Variants in ROBO1 observed in about 807,000 individuals in gnomAD.
The protein encoded by ROBO1 is roundabout homolog 1.
A neutral mutation model predicts 195.9 loss-of-function variants in ROBO1; 149 were observed. The observed-to-expected ratio is 0.76, with a 90% CI of 0.67 to 0.87. The LOEUF (loss-of-function observed/expected upper bound fraction) is 0.87. Among genes scored for constraint, ROBO1 ranks in the 40% least tolerant of loss-of-function variants. ROBO1 has a pLI of 0.00. For synonymous variants in ROBO1, 816 were observed against 733.2 expected, an observed-to-expected ratio of 1.11 and a Z score of -1.82; for missense variants, 1,933 against 2,068.3, an observed-to-expected ratio of 0.93 and a Z score of 1.27.
chr3:79,156,091 T>C (rs1290916088), intron 2 of ROBO1, among the ~76,000 whole-genome samples: 1 of 151,700 alleles, frequency 6.6e-6, no homozygotes, highest in Non-Finnish European at 1.5e-5. Context: ...GTCCTAGCCA[T>C]GCTATTCATA....
In ROBO1 at chr3:78,670,279, TG is replaced by T. The variant is rs1559723407; in HGVS notation, c.1364del (p.Pro455GlnfsTer8). On this transcript the variant is annotated frameshift_variant, in exon 11 of 31. Transcript: ENST00000464233. LOFTEE classifies it high-confidence loss of function. Reference sequence around the variant, plus strand: ...GATTCACAGGACCTTGTCGAATAACTGGGGGAGGCCGATCTGCAATCACTGC... The same window carrying T: ...GATTCACAGGACCTTGTCGAATAACTGGGGAGGCCGATCTGCAATCACTGC... The part of the protein sequence containing the change: ...VTDVIADRPP[P>X]VIRQGPVNQT... 2 of 1,570,174 alleles carry T rather than the reference TG, an allele frequency of 1.3e-6. No individual in the cohort carries two copies. Among genetic ancestry groups the T allele is most frequent in the Non-Finnish European group, 1.7e-6 (2 of 1,156,736 alleles).
intron 3 of ROBO1, among the ~76,000 whole-genome samples, chr3:79,066,152 A>G (rs567648048): frequency 1.3e-5 from 2 of 152,034 alleles, no homozygotes; most frequent in African/African-American, 4.8e-5. Flanking sequence ...GAGCCCTAAA[A>G]GACGTTAAGT....
At chr3:79,089,274 C>T (rs1418471303) in intron 3 of ROBO1, among the ~76,000 whole-genome samples, 6 of 152,038 alleles carry the variant, frequency 3.9e-5, no homozygotes, top group Admixed American at 1.3e-4. Flanking sequence ...AATTCCTAAC[C>T]CCAGTGGTCC....
At chr3:79,449,992 C>A (rs371329199) in intron 2 of ROBO1, among the ~76,000 whole-genome samples, 3 of 151,854 alleles carry the variant, frequency 2.0e-5, no homozygotes, top group South Asian at 4.1e-4. Flanking sequence ...TGAATAGATA[C>A]CTAAAATAGA....
At chr3:79,670,404 T>C (rs1323940566) in intron 1 of ROBO1, among the ~76,000 whole-genome samples, 1 of 134,172 alleles carries the variant, frequency 7.5e-6, no homozygotes, top group Admixed American at 7.0e-5. Context: ...AAAAATTCTA[T>C]CTACACAGCA....
At chr3:78,744,222 G>C (rs2082601099) in intron 5 of ROBO1, among the ~76,000 whole-genome samples, 1 of 152,108 alleles carries the variant, frequency 6.6e-6, no homozygotes, top group African/African-American at 2.4e-5. Context: ...TTTCCCTTTT[G>C]CTCACAAACA....
intron 2 of ROBO1, among the ~76,000 whole-genome samples, chr3:79,490,775 C>A (rs1168757377): frequency 6.6e-6 from 1 of 152,156 alleles, no homozygotes; most frequent in Non-Finnish European, 1.5e-5. Flanking sequence ...TGTGCTTATG[C>A]ATATTTGCAT....
intron 2 of ROBO1, among the ~76,000 whole-genome samples, chr3:79,392,803 A>G (rs1338677788): frequency 2.0e-5 from 3 of 152,206 alleles, no homozygotes; most frequent in Admixed American, 6.5e-5. Context: ...ACTGCAGATT[A>G]TTTAAAAAGC....
chr3:79,358,561 T>A (rs1283829548), intron 2 of ROBO1, among the ~76,000 whole-genome samples: 2 of 152,166 alleles, frequency 1.3e-5, no homozygotes, highest in East Asian at 3.9e-4. Flanking sequence ...AAATCTGTCT[T>A]GAGATTTCAA....
At chr3:78,776,060 C>T (rs144087099) in intron 4 of ROBO1, among the ~76,000 whole-genome samples, 22 of 152,148 alleles carry the variant, frequency 1.4e-4, no homozygotes, top group African/African-American at 5.1e-4. Context: ...ATATACCATG[C>T]TATATTTGCT....
At chr3:79,389,120 G>C (rs2036858044) in intron 2 of ROBO1, among the ~76,000 whole-genome samples, 1 of 151,870 alleles carries the variant, frequency 6.6e-6, no homozygotes, top group Non-Finnish European at 1.5e-5. Context: ...TATAACTTTT[G>C]ACTTTTGTAT....
intron 2 of ROBO1, among the ~76,000 whole-genome samples, chr3:79,577,836 C>T (rs922477178): frequency 5.9e-5 from 9 of 151,834 alleles, no homozygotes; most frequent in Admixed American, 3.3e-4. Context: ...CGCTTGAACT[C>T]GGGAGGCAGA....
At chr3:79,223,935 C>A (rs1463773737) in intron 2 of ROBO1, among the ~76,000 whole-genome samples, 1 of 152,118 alleles carries the variant, frequency 6.6e-6, no homozygotes, top group Non-Finnish European at 1.5e-5. Flanking sequence ...GGCAGAAAAT[C>A]ATTTCTGGGA....
intron 2 of ROBO1, among the ~76,000 whole-genome samples, chr3:79,382,156 C>T (rs1203177607): frequency 6.6e-6 from 1 of 152,082 alleles, no homozygotes; most frequent in African/African-American, 2.4e-5. Context: ...TTGAATGACA[C>T]TATCAGGATG....
chr3:79,195,401 G>A lies in ROBO1; in HGVS notation c.89-69862C>T, dbSNP rs193260758. Reference sequence around the variant, plus strand: ...AATGAGCAACCAGAAACTTTAAGTGGCAATTGGCAAATATATGTTATAAAT... The same window carrying A: ...AATGAGCAACCAGAAACTTTAAGTGACAATTGGCAAATATATGTTATAAAT... On this transcript the variant is annotated intron_variant, in intron 2 of 30. Transcript: ENST00000464233. Among the ~76,000 whole-genome samples, 715 of 151,578 alleles carry A rather than the reference G, an allele frequency of 4.7e-3. 4 individuals are homozygous for A. Among genetic ancestry groups the A allele is most frequent in the Non-Finnish European group, 7.6e-3 (514 of 67,672 alleles).
At chr3:79,323,089 T>C (rs1398073948) in intron 2 of ROBO1, among the ~76,000 whole-genome samples, 3 of 151,476 alleles carry the variant, frequency 2.0e-5, no homozygotes, top group African/African-American at 7.3e-5. Context: ...TTCTTTCTTT[T>C]TTTTTTTTTT....
intron 2 of ROBO1, among the ~76,000 whole-genome samples, chr3:79,147,115 G>T (rs2080668898): frequency 6.6e-6 from 1 of 151,890 alleles, no homozygotes; most frequent in Admixed American, 6.6e-5. Flanking sequence ...AGGAAGTAAA[G>T]GTAGTAATGG....
At chr3:79,505,858 A>C (rs139216313) in intron 2 of ROBO1, among the ~76,000 whole-genome samples, 5 of 152,356 alleles carry the variant, frequency 3.3e-5, no homozygotes, top group Non-Finnish European at 7.3e-5. Context: ...AAGAATTAAT[A>C]GGTGAGGTAT....
At chr3:79,093,656 A>C (rs917208001) in intron 3 of ROBO1, among the ~76,000 whole-genome samples, 1 of 152,092 alleles carries the variant, frequency 6.6e-6, no homozygotes, top group African/African-American at 2.4e-5. Context: ...GTTATGTTCT[A>C]GGCAGTTGTT....
Sources: allele counts gnomAD v4.1 joint callset (sites outside exome capture counted in the v4.1 genomes callset), GRCh38; gene constraint gnomAD v4.1.1; transcripts MANE v1.5; gene names NCBI Gene and HGNC (gene_info 2026-07-23, HGNC 2026-07-21).